Variants in HECW1 observed in about 807,000 individuals in gnomAD.
HECW1 encodes the protein HECT, C2 and WW domain containing E3 ubiquitin protein ligase 1.
A neutral mutation model predicts 182.3 loss-of-function variants in HECW1; 61 were observed. The ratio of observed to expected loss-of-function variants is 0.33; its 90% CI spans 0.27 to 0.41. The LOEUF (loss-of-function observed/expected upper bound fraction) is 0.41. Among genes scored for constraint, HECW1 ranks in the 10% least tolerant of loss-of-function variants. The probability of loss-of-function intolerance (pLI) is 1.00; values close to 1 mark genes in which losing one functional copy is unlikely to be tolerated. For missense variants in HECW1, 1,739 were observed against 2,108.9 expected (o/e 0.82, Z 3.44); for synonymous variants, 859 against 832.6 (o/e 1.03, Z -0.55).
chr7:43,431,407 G>A (rs901325639), intron 8 of HECW1, among the ~76,000 whole-genome samples: 3 of 152,042 alleles, frequency 2.0e-5, no homozygotes, highest in Non-Finnish European at 4.4e-5. Flanking sequence ...ATCCAGGCTC[G>A]GGAATTTGTG....
intron 6 of HECW1, among the ~76,000 whole-genome samples, chr7:43,394,405 A>G (rs1024526005): frequency 6.6e-6 from 1 of 152,202 alleles, no homozygotes; most frequent in African/African-American, 2.4e-5. Flanking sequence ...TCTAGGTCCC[A>G]TTGCTCCATG....
At chr7:43,207,099 T>C (rs760416052) in intron 2 of HECW1, among the ~76,000 whole-genome samples, 2 of 152,152 alleles carry the variant, frequency 1.3e-5, no homozygotes, top group Non-Finnish European at 2.9e-5. Context: ...CAGGCTGGAG[T>C]CCAGTGGTGC....
intron 24 of HECW1, chr7:43,511,658 G>A (rs1250385651): frequency 6.5e-6 from 1 of 154,080 alleles, no homozygotes; most frequent in African/African-American, 2.4e-5. Context: ...GCCCTGATCA[G>A]CTTTGGGACA....
intron 13 of HECW1, among the ~76,000 whole-genome samples, chr7:43,460,947 A>T (rs988449522): frequency 6.6e-6 from 1 of 152,222 alleles, no homozygotes; most frequent in Admixed American, 6.5e-5. Context: ...CACTGCTGAC[A>T]TTATCCTCAT....
At position 43,562,225 on chromosome 7, in the gene HECW1, T is replaced by G. The variant is rs1271380206; in HGVS notation, c.*299T>G. 2 of 293,396 alleles carry G rather than the reference T, an allele frequency of 6.8e-6. No individual in the cohort carries two copies. Among genetic ancestry groups the G allele is most frequent in the Admixed American group, 5.1e-5 (1 of 19,696 alleles). 18.2% of individuals were successfully genotyped at this position (293,396 alleles called of 1,614,324 possible). On this transcript the variant is annotated 3_prime_UTR_variant, in exon 30 of 30. Transcript: ENST00000395891. ...TACCTCCATTACTAACAATGAAATA[T>G]GAATGCAAGTTAAGCTACACTTGAC...
intron 5 of HECW1, among the ~76,000 whole-genome samples, chr7:43,332,629 G>A (rs1811640956): frequency 6.6e-6 from 1 of 152,206 alleles, no homozygotes; most frequent in Non-Finnish European, 1.5e-5. Flanking sequence ...CACAGCAGAT[G>A]GGAGCAAAGG....
chr7:43,495,007 A>G (rs1585085161), intron 19 of HECW1, among the ~76,000 whole-genome samples: 2 of 152,210 alleles, frequency 1.3e-5, no homozygotes, highest in African/African-American at 4.8e-5. Flanking sequence ...GGCTCAGATC[A>G]AAAGCAAAAC....
intron 8 of HECW1, among the ~76,000 whole-genome samples, chr7:43,411,715 T>C (rs2075809896): frequency 1.3e-5 from 2 of 152,208 alleles, no homozygotes; most frequent in South Asian, 4.1e-4. Flanking sequence ...TTCTAAAATA[T>C]TTTTCTTTAT....
chr7:43,216,845 G>A (rs1796490585), intron 2 of HECW1, among the ~76,000 whole-genome samples: 1 of 152,032 alleles, frequency 6.6e-6, no homozygotes, highest in African/African-American at 2.4e-5. Context: ...AGTAAAGACG[G>A]GGTTTCACCA....
intron 26 of HECW1, among the ~76,000 whole-genome samples, chr7:43,548,121 T>C (rs1260764936): frequency 6.6e-6 from 1 of 152,256 alleles, no homozygotes; most frequent in Non-Finnish European, 1.5e-5. Flanking sequence ...GCTCTAAGTG[T>C]TTGTGTGTGT....
At chr7:43,319,802 A>G (rs1278109568) in intron 4 of HECW1, among the ~76,000 whole-genome samples, 2 of 105,514 alleles carry the variant, frequency 1.9e-5, no homozygotes, top group African/African-American at 1.1e-4. Context: ...TGGTAGAGAC[A>G]ATGTTTCACC....
At chr7:43,388,878 G>T (rs1362630642) in intron 6 of HECW1, among the ~76,000 whole-genome samples, 1 of 152,304 alleles carries the variant, frequency 6.6e-6, no homozygotes, top group East Asian at 1.9e-4. Flanking sequence ...CTCTTGATGA[G>T]TTTGAACCAG....
intron 2 of HECW1, among the ~76,000 whole-genome samples, chr7:43,187,489 A>G (rs1036865801): frequency 5.9e-5 from 9 of 151,966 alleles, no homozygotes; most frequent in Non-Finnish European, 5.9e-5. Flanking sequence ...TTACTTTTTA[A>G]TAGTTCATTA....
At position 43,564,729 on chromosome 7, in the gene HECW1, T is replaced by G. The variant is rs1197530379; in HGVS notation, c.*2803T>G. 1 of 179,950 alleles carries G rather than the reference T, an allele frequency of 5.6e-6. No homozygotes were observed. The allele number at this position is 179,950 out of a possible 1,614,324, so 11.1% of individuals were successfully genotyped here. On this transcript the variant is annotated 3_prime_UTR_variant, in exon 30 of 30. Transcript: ENST00000395891. The stretch of plus-strand genomic sequence containing the variant: ...TATGGAAATTCATGTTTACCTTATT[T>G]ATAAGGCTGATTTTTAAATTATATA...
Position 43,501,257 on chromosome 7 carries a change from C to T in HECW1, c.3566C>T (p.Ala1189Val). 6.2e-7 allele frequency: 1 copy of T among 1,607,022 alleles called. No individual in the cohort carries two copies. The highest frequency in any genetic ancestry group is 8.5e-7 in the Non-Finnish European group (1 of 1,176,230). Residue 1189 changes from alanine (A) to valine (V), a missense_variant, in exon 21 of 30, where the codon GCC becomes GTC. By Grantham distance (64) the Ala-to-Val change is moderately conservative. Coordinates refer to ENST00000395891, the MANE Select transcript of HECW1 (RefSeq NM_015052.5). ...EIMSYVPLQA[A>V]FHPGYSFSPR... ...ATGTCCTACGTCCCCCTGCAGGCTG[C>T]CTTCCACCCTGGGTATAGCTTCTCT... is the stretch of plus-strand genomic sequence containing the variant.
intron 4 of HECW1, among the ~76,000 whole-genome samples, chr7:43,315,078 C>A (rs550360245): frequency 1.3e-5 from 2 of 152,296 alleles, no homozygotes; most frequent in East Asian, 3.9e-4. Flanking sequence ...ATGCTTTCAG[C>A]ATGGTAGGAC....
At chr7:43,139,375 G>C (rs1026908922) in intron 2 of HECW1, among the ~76,000 whole-genome samples, 1 of 152,276 alleles carries the variant, frequency 6.6e-6, no homozygotes, top group South Asian at 2.1e-4. Flanking sequence ...TACTGGCTTG[G>C]CTCAGAAATG....
intron 2 of HECW1, among the ~76,000 whole-genome samples, chr7:43,164,435 A>C (rs1790882342): frequency 6.6e-6 from 1 of 152,224 alleles, no homozygotes; most frequent in Non-Finnish European, 1.5e-5. Flanking sequence ...ATTCAGCAAC[A>C]TTGGGAAATC....
intron 2 of HECW1, among the ~76,000 whole-genome samples, chr7:43,188,420 C>G (rs1311021624): frequency 6.6e-6 from 1 of 151,594 alleles, no homozygotes; most frequent in African/African-American, 2.4e-5. Flanking sequence ...TGGTTAAACT[C>G]AAGCACACCA....
Sources: allele counts gnomAD v4.1 joint callset (sites outside exome capture counted in the v4.1 genomes callset), GRCh38; gene constraint gnomAD v4.1.1; transcripts MANE v1.5; gene names NCBI Gene and HGNC (gene_info 2026-07-23, HGNC 2026-07-21).